Variants in NOTCH2 observed in about 807,000 individuals in gnomAD.
NOTCH2 encodes neurogenic locus notch homolog protein 2.
NOTCH2 carries 29 observed loss-of-function variants against 235.8 expected under a neutral mutation model. That is an observed-to-expected ratio of 0.12 (90% CI 0.09 to 0.17). The LOEUF (loss-of-function observed/expected upper bound fraction) is 0.17. NOTCH2 is among the 10% of genes least tolerant of loss of function. The probability of loss-of-function intolerance (pLI) is 1.00; values close to 1 mark genes in which losing one functional copy is unlikely to be tolerated. For missense variants in NOTCH2, 2,285 were observed against 3,150.2 expected (o/e 0.73, Z 6.57); for synonymous variants, 1,086 against 1,141.5 (o/e 0.95, Z 0.98).
In NOTCH2 at chr1:119,923,827, G is replaced by C. The variant is rs754438664; in HGVS notation, c.4669C>G (p.Gln1557Glu). The change falls in exon 26 of 34, where the codon CAA (glutamine) becomes GAA (glutamate). Residue 1557 changes from glutamine (Q) to glutamate (E), a missense_variant. Transcript: ENST00000256646. The stretch of plus-strand genomic sequence containing the variant: ...AAGCTGCGAGCATCCTGGAGCAGTT[G>C]TTCAGGTGGCATCAATACCACAATA... ...LVIVVLMPPE[Q>E]LLQDARSFLR... The C allele has an allele frequency of 9.3e-6, 15 of 1,614,174 alleles. No individual in the cohort carries two copies. The highest frequency in any genetic ancestry group is 1.3e-5 in the Non-Finnish European group (15 of 1,180,048).
chr1:119,951,343 G>A (rs1415026544), intron 14 of NOTCH2, among the ~76,000 whole-genome samples: 1 of 151,984 alleles, frequency 6.6e-6, no homozygotes, highest in African/African-American at 2.4e-5. Context: ...GTAGAGATGA[G>A]GTCTCGTTAT....
Position 119,941,598 on chromosome 1 carries a change from C to A in NOTCH2, c.2909G>T (p.Ser970Ile). The A allele has an allele frequency of 6.2e-7, 1 of 1,614,186 alleles. No individual in the cohort carries two copies. Among genetic ancestry groups the A allele is most frequent in the Non-Finnish European group, 8.5e-7 (1 of 1,180,028 alleles). The change falls in exon 18 of 34, where the codon AGT becomes ATT. Residue 970 changes from serine to isoleucine, a missense_variant. By Grantham distance (142) the Ser-to-Ile change is moderately radical. Transcript: ENST00000256646. ...TCCTGCCTGGCACTTGCAAGTGTAA[C>A]TGTTGACGTAGTCAGAGCAGGTCCC... ...NGGTCSDYVN[S>I]YTCKCQAGFD...
intron 1 of NOTCH2, among the ~76,000 whole-genome samples, chr1:120,055,083 AGTGACT>A (rs1553215058): frequency 6.6e-6 from 1 of 150,428 alleles, no homozygotes; most frequent in East Asian, 2.0e-4. Flanking sequence ...GAGGGGTTCC[AGTGACT>A]GTTCTTTACC....
intron 4 of NOTCH2, among the ~76,000 whole-genome samples, chr1:119,987,719 G>A (rs868974255): frequency 1.3e-5 from 2 of 152,082 alleles, no homozygotes; most frequent in African/African-American, 2.4e-5. Flanking sequence ...CTAATTATAA[G>A]TGCCACATCA....
intron 19 of NOTCH2, among the ~76,000 whole-genome samples, chr1:119,938,995 C>G (rs1329069770): frequency 6.6e-6 from 1 of 152,148 alleles, no homozygotes; most frequent in East Asian, 1.9e-4. Flanking sequence ...CATTTATTTT[C>G]TAACTCACTT....
intron 17 of NOTCH2, among the ~76,000 whole-genome samples, chr1:119,944,834 G>T (rs1324966327): frequency 5.3e-5 from 8 of 152,032 alleles, no homozygotes; most frequent in Admixed American, 3.3e-4. Flanking sequence ...AAAACAGAAA[G>T]ACTTCATCAC....
chr1:119,977,861 T>A (rs1399101508), intron 5 of NOTCH2, among the ~76,000 whole-genome samples: 2 of 152,122 alleles, frequency 1.3e-5, no homozygotes, highest in East Asian at 3.9e-4. Context: ...ATCTAAAATA[T>A]ATATATGTAC....
chr1:119,963,570 T>C lies in NOTCH2; in HGVS notation c.1915+4A>G. 1.9e-6 allele frequency: 3 copies of C among 1,612,514 alleles called. No homozygotes were observed. Among genetic ancestry groups the C allele is most frequent in the Non-Finnish European group, 2.5e-6 (3 of 1,178,486 alleles). On this transcript the variant is annotated splice_donor_region_variant and intron_variant, in intron 11 of 33. Coordinates refer to ENST00000256646, the MANE Select transcript of NOTCH2 (RefSeq NM_024408.4). ...CATACCAAACATAAACAGAGTGGGC[T>C]TACCTGACGTGCCTGGCTGGCAGTT...
Position 119,923,587 on chromosome 1 carries a change from G to C in NOTCH2, c.4859+50C>G, listed in dbSNP as rs1028186391. 4 of 1,480,578 alleles carry C rather than the reference G, an allele frequency of 2.7e-6. No individual in the cohort carries two copies. The African/African-American group carries it at 5.5e-5, about 21-fold the overall frequency. 91.7% of individuals were successfully genotyped at this position (1,480,578 alleles called of 1,614,324 possible). A position where few individuals can be genotyped will look rare whatever the true frequency, so the allele number is the denominator to read the frequency against. On this transcript the variant is annotated intron_variant, in intron 26 of 33. Coordinates refer to ENST00000256646, the MANE Select transcript of NOTCH2 (RefSeq NM_024408.4). ...GTTATGACTTGTGCTATATGTCAAA[G>C]TGCTAGGCTTCATAAAATTAGCCTT... is the stretch of plus-strand genomic sequence containing the variant.
Position 119,997,267 on chromosome 1 carries a change from T to C in NOTCH2, c.481A>G (p.Thr161Ala), listed in dbSNP as rs1397599828. The change falls in exon 4 of 34, where the codon ACT becomes GCT. Residue 161 changes from threonine (T) to alanine (A), a missense_variant. By Grantham distance (58) the Thr-to-Ala change is moderately conservative. This residue lies in a region of NOTCH2 where 431 missense variants were observed against 757.8 expected (regional missense o/e 0.57). Coordinates refer to ENST00000256646, the MANE Select transcript of NOTCH2 (RefSeq NM_024408.4). Reference protein sequence around the residue: ...HPCANGSTCTTVANQFSCKCL... With the variant: ...HPCANGSTCTAVANQFSCKCL... Reference sequence around the variant, plus strand: ...TTGCAGGAGAACTGGTTGGCCACAGTGGTACAGGTACTTCCATTTGCACAG... The same window carrying C: ...TTGCAGGAGAACTGGTTGGCCACAGCGGTACAGGTACTTCCATTTGCACAG... 9 of 1,613,870 alleles carry C rather than the reference T, an allele frequency of 5.6e-6. No individual in the cohort carries two copies. The highest frequency in any genetic ancestry group is 2.7e-5 in the African/African-American group (2 of 74,932).
At chr1:120,034,413 C>T (rs1256468631) in intron 1 of NOTCH2, among the ~76,000 whole-genome samples, 1 of 93,620 alleles carries the variant, frequency 1.1e-5, no homozygotes, top group Admixed American at 1.1e-4. Flanking sequence ...CAATATAATA[C>T]AAAAATCTAG....
In NOTCH2 at chr1:119,922,322, G is replaced by A. The variant is rs753292750; in HGVS notation, c.5127C>T (p.Leu1709=). 1 of 1,614,200 alleles carries A rather than the reference G, an allele frequency of 6.2e-7. No homozygotes were observed. Among genetic ancestry groups the A allele is most frequent in the South Asian group, 1.1e-5 (1 of 91,086 alleles). ...MAKRKRKHGS[L]WLPEGFTLRR... is the part of the protein sequence containing the mutation. ...GAAGAGTGAAACCTTCAGGCAGCCA[G>A]AGAGAGCCATGCTTACGCTTTCGTT... The change falls in exon 28 of 34, where the codon CTC becomes CTT. Residue 1709 remains leucine (L), a synonymous_variant. Coordinates refer to ENST00000256646, the MANE Select transcript of NOTCH2 (RefSeq NM_024408.4).
chr1:119,988,284 A>G (rs1021095548), intron 4 of NOTCH2, among the ~76,000 whole-genome samples: 15 of 152,170 alleles, frequency 9.9e-5, no homozygotes, highest in African/African-American at 3.6e-4. Flanking sequence ...TCTAAATACA[A>G]TGGCAGTCAT....
intron 10 of NOTCH2, 101 bp from the exon 11 acceptor site, chr1:119,963,908 G>A (rs1398722559): frequency 9.9e-7 from 1 of 1,012,980 alleles, no homozygotes; most frequent in African/African-American, 1.6e-5. Flanking sequence ...CATTCGATGT[G>A]TGGTCAATTA....
intron 5 of NOTCH2, among the ~76,000 whole-genome samples, chr1:119,984,655 TA>T (rs1651943813): frequency 6.6e-6 from 1 of 152,152 alleles, no homozygotes; most frequent in Non-Finnish European, 1.5e-5. Context: ...TACAATAGGA[TA>T]GGGGCTGGGA....
At position 119,918,400 on chromosome 1, in the gene NOTCH2, C is replaced by T; in HGVS notation, c.5929+6G>A. 3.1e-6 allele frequency: 5 copies of T among 1,614,076 alleles called. No homozygotes were observed. Among genetic ancestry groups the T allele is most frequent in the South Asian group, 1.1e-5 (1 of 91,082 alleles). Reference sequence around the variant, plus strand: ...AAGAATCCAAATCCCTGCCTTTCATCCCTACCATGGTCATCCACTGCATTC... The same window carrying T: ...AAGAATCCAAATCCCTGCCTTTCATTCCTACCATGGTCATCCACTGCATTC... On this transcript the variant is annotated splice_donor_region_variant and intron_variant, in intron 32 of 33. Coordinates refer to ENST00000256646, the MANE Select transcript of NOTCH2 (RefSeq NM_024408.4).
intron 1 of NOTCH2, among the ~76,000 whole-genome samples, chr1:120,063,313 A>G (rs2101431745): frequency 6.6e-6 from 1 of 152,214 alleles, no homozygotes; most frequent in South Asian, 2.1e-4. Context: ...CATCTGAGGG[A>G]AACTGCCGAC....
At chr1:119,953,796 A>G (rs1650579071) in intron 13 of NOTCH2, 108 bp from the exon 14 acceptor site, 1 of 961,520 alleles carries the variant, frequency 1.0e-6, no homozygotes, top group East Asian at 2.4e-5. Flanking sequence ...TCTCATTTCT[A>G]CTTTCATGGA....
At chr1:119,961,543 C>CA (rs1290574357) in intron 11 of NOTCH2, among the ~76,000 whole-genome samples, 2 of 152,216 alleles carry the variant, frequency 1.3e-5, no homozygotes, top group East Asian at 3.8e-4. Flanking sequence ...TTCTTTTCTC[C>CA]AAAGCCTTAT....
Sources: allele counts gnomAD v4.1 joint callset (sites outside exome capture counted in the v4.1 genomes callset), GRCh38; gene constraint gnomAD v4.1.1; regional missense constraint gnomAD v4.1.1; transcripts MANE v1.5; gene names NCBI Gene and HGNC (gene_info 2026-07-23, HGNC 2026-07-21).